The following ACSL1 variants were observed in gnomAD, a reference collection of about 807,000 sequenced individuals.
The protein encoded by ACSL1 is acyl-CoA synthetase long chain family member 1.
Under a neutral mutation model 98.4 loss-of-function variants are expected in ACSL1, and 41 were observed. That is an observed-to-expected ratio of 0.42 (90% CI 0.32 to 0.54). ACSL1 has a LOEUF of 0.54. ACSL1 is among the 20% of genes least tolerant of loss of function. The pLI is 0.13. For missense variants in ACSL1, 734 were observed against 883.1 expected, an observed-to-expected ratio of 0.83 and a Z score of 2.14; for synonymous variants, 316 against 322.7, an observed-to-expected ratio of 0.98 and a Z score of 0.22.
intron 1 of ACSL1, chr4:184,813,589 G>A (rs1236377383): frequency 4.6e-5 from 12 of 261,846 alleles, no homozygotes; most frequent in Non-Finnish European, 9.7e-5. Context: ...GCAAGTTGAA[G>A]AACATGACAG....
Position 184,766,614 on chromosome 4 carries a change from C to A in ACSL1, c.1263+8G>T. 1 of 1,612,618 alleles carries A rather than the reference C, an allele frequency of 6.2e-7. No individual in the cohort carries two copies. The highest frequency in any genetic ancestry group is 8.5e-7 in the Non-Finnish European group (1 of 1,178,906). On this transcript the variant is annotated splice_region_variant and intron_variant, in intron 13 of 20. Transcript: ENST00000281455. The surrounding 1 kb of genome is among the most constrained non-coding windows in gnomAD (Gnocchi z 4.8). ...CCATGGGAGCAGTGGCTGTGAGTCA[C>A]GTGTTACCTGTACTTTGTGGAAGAT...
chr4:184,814,107 G>A (rs946374461), intron 1 of ACSL1, among the ~76,000 whole-genome samples: 1 of 151,954 alleles, frequency 6.6e-6, no homozygotes, highest in African/African-American at 2.4e-5. Flanking sequence ...TGGCTCACAC[G>A]GTGAAACCCC....
At chr4:184,791,773 G>A (rs1318612880) in intron 2 of ACSL1, among the ~76,000 whole-genome samples, 4 of 152,180 alleles carry the variant, frequency 2.6e-5, no homozygotes, top group South Asian at 2.1e-4. Context: ...GGCACTGGGC[G>A]TGCTGCAGCA....
Position 184,766,530 on chromosome 4 carries a change from T to G in ACSL1, c.1263+92A>C. The G allele has an allele frequency of 6.7e-7, 1 of 1,493,444 alleles. No homozygotes were observed. Among genetic ancestry groups the G allele is most frequent in the Non-Finnish European group, 9.1e-7 (1 of 1,100,970 alleles). 92.5% of individuals were successfully genotyped at this position (1,493,444 alleles called of 1,614,324 possible). On this transcript the variant is annotated intron_variant, in intron 13 of 20. Transcript: ENST00000281455. The surrounding 1 kb of genome is among the most constrained non-coding windows in gnomAD (Gnocchi z 4.8). ...AAAACATGTTATTCTCTCCCTTACCTTCATCTCTCCCTCTCACAAAAAAGG... is the reference window on the plus strand; with the variant it reads ...AAAACATGTTATTCTCTCCCTTACCGTCATCTCTCCCTCTCACAAAAAAGG...
At position 184,776,364 on chromosome 4, in the gene ACSL1, C is replaced by T. The variant is rs563979288; in HGVS notation, c.756+120G>A. ...AGTTTCTGCTCTCTTTCATGGGTTG[C>T]GGAGGCAACCGGCCAGCGCTGGGAC... On this transcript the variant is annotated intron_variant, in intron 7 of 20. Transcript: ENST00000281455. 7 of 1,111,478 alleles carry T rather than the reference C, an allele frequency of 6.3e-6. No individual in the cohort carries two copies. In the East Asian group the frequency reaches 1.0e-4, roughly 16 times the overall value. The allele number at this position is 1,111,478 out of a possible 1,614,324, so 68.9% of individuals were successfully genotyped here.
intron 1 of ACSL1, among the ~76,000 whole-genome samples, chr4:184,817,640 G>C (rs1772741318): frequency 6.6e-6 from 1 of 152,156 alleles, no homozygotes; most frequent in Non-Finnish European, 1.5e-5. Flanking sequence ...ACACCTGGGA[G>C]GCAGAGGGAC....
At chr4:184,810,721 C>T (rs761632376) in intron 1 of ACSL1, among the ~76,000 whole-genome samples, 4 of 152,000 alleles carry the variant, frequency 2.6e-5, no homozygotes, top group East Asian at 3.9e-4. Flanking sequence ...AGGGCTCAAG[C>T]GGATAGGATA....
At chr4:184,812,117 G>C (rs1772178329) in intron 1 of ACSL1, 3 of 887,482 alleles carry the variant, frequency 3.4e-6, no homozygotes, top group Non-Finnish European at 4.1e-6. Context: ...TTCTTTATTT[G>C]TAACCCCTGT....
At chr4:184,779,133 A>G (rs751119357) in intron 5 of ACSL1, among the ~76,000 whole-genome samples, 3 of 152,130 alleles carry the variant, frequency 2.0e-5, no homozygotes, top group Non-Finnish European at 4.4e-5. Flanking sequence ...TCAGTTTCTG[A>G]TATGTTTTGG....
chr4:184,811,263 C>T (rs1345083116), intron 1 of ACSL1, among the ~76,000 whole-genome samples: 3 of 151,502 alleles, frequency 2.0e-5, no homozygotes, highest in Admixed American at 6.6e-5. Flanking sequence ...CACCCGCCAC[C>T]ACGCCTGGCT....
intron 4 of ACSL1, 81 bp from the exon 5 acceptor site, chr4:184,780,514 C>T: frequency 1.0e-6 from 1 of 992,258 alleles, no homozygotes; most frequent in Non-Finnish European, 1.6e-6. Context: ...AGGCTTGTAT[C>T]TCAGCCAGCA....
intron 4 of ACSL1, among the ~76,000 whole-genome samples, chr4:184,780,718 T>C (rs775973914): frequency 1.3e-5 from 2 of 152,240 alleles, no homozygotes; most frequent in Admixed American, 1.3e-4. Context: ...GGGCTATTTA[T>C]ACATTTTTTT....
rs149036796 is a variant in ACSL1 at position 184,809,819 on chromosome 4, C to A, written c.-32-6273G>T. Among the ~76,000 whole-genome samples, 353 of 152,066 alleles carry A rather than the reference C, an allele frequency of 2.3e-3. 1 individual carries two copies. The highest frequency in any genetic ancestry group is 8.0e-3 in the African/African-American group (330 of 41,508). On this transcript the variant is annotated intron_variant, in intron 1 of 20. Transcript: ENST00000281455. ...TCAAAAAAAATAAAAATAAAATAAA[C>A]AAATAAACCACATTTCATTAATATG...
chr4:184,809,095 G>A (rs1466948507), intron 1 of ACSL1, among the ~76,000 whole-genome samples: 1 of 152,170 alleles, frequency 6.6e-6, no homozygotes, highest in African/African-American at 2.4e-5. Flanking sequence ...TGATCTTATA[G>A]ATCACCAATT....
intron 2 of ACSL1, among the ~76,000 whole-genome samples, chr4:184,799,835 C>T (rs759417306): frequency 3.4e-4 from 51 of 152,104 alleles, no homozygotes; most frequent in Non-Finnish European, 6.2e-4. Flanking sequence ...GGCAACAGAG[C>T]GAGACCCTGT....
In ACSL1 at chr4:184,818,411, G is replaced by A. The variant is rs182707582; in HGVS notation, c.-33+7505C>T. 2.2e-4 allele frequency among the ~76,000 whole-genome samples: 33 copies of A among 152,244 alleles called. No homozygotes were observed. In the East Asian group the frequency reaches 4.4e-3, roughly 20 times the overall value. ...GAAAGAAACACCTCAGATGTACTCC[G>A]AAACACAAACTTCACTCAGTGAAAG... On this transcript the variant is annotated intron_variant, in intron 1 of 20. Coordinates refer to ENST00000281455, the MANE Select transcript of ACSL1 (RefSeq NM_001995.5).
At chr4:184,784,042 T>C (rs1373721899) in intron 3 of ACSL1, 51 bp from the exon 4 acceptor site, 7 of 1,468,730 alleles carry the variant, frequency 4.8e-6, no homozygotes, top group African/African-American at 2.8e-5. Context: ...TAAATATTCC[T>C]AGATTTTAAT....
At chr4:184,808,274 C>T in intron 1 of ACSL1, 2 of 980,632 alleles carry the variant, frequency 2.0e-6, no homozygotes. Context: ...CCCTGCAACT[C>T]TGCAAACTTT....
In ACSL1 at chr4:184,773,783, C is replaced by G; in HGVS notation, c.789+60G>C. 6.2e-7 allele frequency: 1 copy of G among 1,612,730 alleles called. No individual in the cohort carries two copies. Among genetic ancestry groups the G allele is most frequent in the Admixed American group, 1.7e-5 (1 of 59,864 alleles). On this transcript the variant is annotated intron_variant, in intron 8 of 20. Transcript: ENST00000281455. The surrounding 1 kb of genome is among the most constrained non-coding windows in gnomAD (Gnocchi z 4.3). ...AAAGAGAACTATAAGCCACAAGGTA[C>G]CAGGCTAGATATTGAAAACTACAAA...
Sources: gnomAD v4.1 joint callset for allele counts (sites outside exome capture counted in the v4.1 genomes callset) on GRCh38, gnomAD v4.1.1 for gene constraint, Gnocchi (gnomAD v3.1) non-coding constraint, MANE v1.5 for transcripts, NCBI Gene and HGNC (gene_info 2026-07-23, HGNC 2026-07-21) for gene names.